Variants in CDH18 observed in about 807,000 individuals in gnomAD.
CDH18 encodes the protein cadherin-18.
In CDH18, 31 loss-of-function variants were observed where a neutral mutation model predicts 67.9. The ratio of observed to expected loss-of-function variants is 0.46; its 90% CI spans 0.34 to 0.62. The LOEUF (loss-of-function observed/expected upper bound fraction) is 0.62. Among genes scored for constraint, CDH18 ranks in the 20% least tolerant of loss-of-function variants. The pLI is 0.01. For synonymous variants in CDH18, 362 were observed against 347.2 expected, an observed-to-expected ratio of 1.04 and a Z score of -0.48; for missense variants, 890 against 975.5, an observed-to-expected ratio of 0.91 and a Z score of 1.17.
chr5:19,521,876 T>G (rs1445618151), intron 9 of CDH18, among the ~76,000 whole-genome samples: 1 of 152,018 alleles, frequency 6.6e-6, no homozygotes, highest in Admixed American at 6.6e-5. Flanking sequence ...CTAGAAAATA[T>G]AAGAAAGAGG....
At chr5:20,504,703 T>C (rs973617733) in intron 1 of CDH18, among the ~76,000 whole-genome samples, 1 of 151,458 alleles carries the variant, frequency 6.6e-6, no homozygotes, top group African/African-American at 2.4e-5. Context: ...AATGAACAGT[T>C]AAACTTAATA....
At chr5:20,390,474 A>G (rs922836473) in intron 1 of CDH18, among the ~76,000 whole-genome samples, 5 of 152,220 alleles carry the variant, frequency 3.3e-5, no homozygotes, top group Admixed American at 6.5e-5. Context: ...CGATCATTAA[A>G]AAGTCAGGAA....
intron 1 of CDH18, among the ~76,000 whole-genome samples, chr5:20,447,811 G>A (rs1443253137): frequency 7.2e-5 from 11 of 152,028 alleles, no homozygotes; most frequent in Non-Finnish European, 1.2e-4. Flanking sequence ...TCACACATGA[G>A]TTATCCTGAG....
chr5:19,577,995 A>G (rs764752100), intron 7 of CDH18, among the ~76,000 whole-genome samples: 1 of 152,150 alleles, frequency 6.6e-6, no homozygotes, highest in Non-Finnish European at 1.5e-5. Context: ...TGTAGCCATG[A>G]GCTGAGGAAC....
At chr5:20,566,368 T>TC (rs1758508235) in intron 1 of CDH18, among the ~76,000 whole-genome samples, 1 of 147,076 alleles carries the variant, frequency 6.8e-6, no homozygotes, top group Admixed American at 6.8e-5. Flanking sequence ...TTCTTTTTTT[T>TC]TTTTTTTTTT....
intron 2 of CDH18, among the ~76,000 whole-genome samples, chr5:20,153,146 G>A (rs574525284): frequency 3.0e-4 from 45 of 151,908 alleles, no homozygotes; most frequent in African/African-American, 6.3e-4. Context: ...GTTTCACTGC[G>A]TTAGCCAGGA....
At chr5:19,493,538 GT>G (rs1349448239) in intron 11 of CDH18, among the ~76,000 whole-genome samples, 42 of 32,068 alleles carry the variant, frequency 1.3e-3, no homozygotes, top group African/African-American at 3.0e-3. Flanking sequence ...GGGAATTGGG[GT>G]GTGTGTGTGT....
chr5:20,228,248 T>C (rs1741792337), intron 2 of CDH18, among the ~76,000 whole-genome samples: 1 of 152,048 alleles, frequency 6.6e-6, no homozygotes, highest in South Asian at 2.1e-4. Flanking sequence ...TGAACATTTA[T>C]TTTGACTAGA....
intron 2 of CDH18, among the ~76,000 whole-genome samples, chr5:19,849,865 A>G (rs1783495838): frequency 6.6e-6 from 1 of 151,372 alleles, no homozygotes; most frequent in South Asian, 2.1e-4. Flanking sequence ...TAAAACCATT[A>G]TCTTATTACA....
intron 7 of CDH18, among the ~76,000 whole-genome samples, chr5:19,584,793 C>CAAAAAAAAAAAAAAAAAAAAAAAAAAAA (rs61297842): frequency 8.0e-5 from 6 of 75,106 alleles, no homozygotes; most frequent in Non-Finnish European, 1.2e-4. Flanking sequence ...ACTAAAAATA[C>CAAAAAAAAAAAAAAAAAAAAAAAAAAAA]AAAAAAAAAA....
intron 2 of CDH18, among the ~76,000 whole-genome samples, chr5:20,113,356 C>T (rs1156838480): frequency 6.6e-6 from 1 of 152,110 alleles, no homozygotes; most frequent in Non-Finnish European, 1.5e-5. Flanking sequence ...TGTTATTTGT[C>T]TATAAAGGAC....
chr5:20,292,702 C>T (rs1747192928), intron 1 of CDH18, among the ~76,000 whole-genome samples: 1 of 151,984 alleles, frequency 6.6e-6, no homozygotes, highest in African/African-American at 2.4e-5. Context: ...CCTGGTTTTG[C>T]TATCAATTCT....
chr5:20,171,721 T>C (rs189014517), intron 2 of CDH18, among the ~76,000 whole-genome samples: 153 of 152,230 alleles, frequency 1.0e-3, no homozygotes, highest in African/African-American at 3.6e-3. Context: ...TTAAGTTTAA[T>C]TGGATGCCAT....
At chr5:20,503,245 T>A (rs1754450111) in intron 1 of CDH18, among the ~76,000 whole-genome samples, 2 of 151,926 alleles carry the variant, frequency 1.3e-5, no homozygotes, top group Admixed American at 1.3e-4. Flanking sequence ...TATTTCTTTT[T>A]TTTTTTACAT....
intron 8 of CDH18, among the ~76,000 whole-genome samples, chr5:19,566,022 G>A (rs560864446): frequency 7.4e-4 from 110 of 148,376 alleles, no homozygotes; most frequent in African/African-American, 2.6e-3. Flanking sequence ...CAAATCTATA[G>A]AAAAAAAAAA....
intron 4 of CDH18, among the ~76,000 whole-genome samples, chr5:19,730,348 C>A (rs1767426229): frequency 6.6e-6 from 1 of 152,140 alleles, no homozygotes; most frequent in Admixed American, 6.6e-5. Context: ...GCTCCTTTAT[C>A]CATTTTGAAA....
At chr5:19,806,775 T>C (rs1778079837) in intron 3 of CDH18, among the ~76,000 whole-genome samples, 1 of 152,228 alleles carries the variant, frequency 6.6e-6, no homozygotes, top group Admixed American at 6.5e-5. Flanking sequence ...TTTGATTTTC[T>C]GAAAACCTTT....
chr5:19,796,572 C>G (rs1386051420), intron 3 of CDH18, among the ~76,000 whole-genome samples: 1 of 151,872 alleles, frequency 6.6e-6, no homozygotes, highest in Admixed American at 6.6e-5. Context: ...TATTGGTTGG[C>G]TAAAGGGAGT....
At chr5:19,873,608 T>A (rs1456744077) in intron 2 of CDH18, among the ~76,000 whole-genome samples, 3 of 152,122 alleles carry the variant, frequency 2.0e-5, no homozygotes, top group Non-Finnish European at 4.4e-5. Context: ...AAATGATGCA[T>A]TATCAACTTT....
Sources: allele counts gnomAD v4.1 joint callset (sites outside exome capture counted in the v4.1 genomes callset), GRCh38; gene constraint gnomAD v4.1.1; transcripts MANE v1.5; gene names NCBI Gene and HGNC (gene_info 2026-07-23, HGNC 2026-07-21).